SLC5A1: variants seen among roughly 807,000 people sequenced by gnomAD.
The protein encoded by SLC5A1 is sodium/glucose cotransporter 1.
In SLC5A1, 42 loss-of-function variants were observed where a neutral mutation model predicts 73.5. That is an observed-to-expected ratio of 0.57 (90% CI 0.45 to 0.74). The LOEUF is 0.74. SLC5A1 is among the 30% of genes least tolerant of loss of function. The pLI is 0.00. For synonymous variants in SLC5A1, 300 were observed against 317.4 expected (o/e 0.95, Z 0.58); for missense variants, 634 against 855.4 (o/e 0.74, Z 3.23).
At chr22:32,082,163 G>C (rs1308722198) in intron 6 of SLC5A1, among the ~76,000 whole-genome samples, 192 bp downstream of exon 6, 2 of 152,206 alleles carry the variant, frequency 1.3e-5, no homozygotes. Flanking sequence ...TCAGAAAGCT[G>C]TGGTGTTGGC....
intron 2 of SLC5A1, among the ~76,000 whole-genome samples, chr22:32,059,775 C>A (rs1284038707): frequency 2.6e-5 from 4 of 152,080 alleles, no homozygotes; most frequent in African/African-American, 9.7e-5. Context: ...AAATTGTTTG[C>A]GGAATGATTT....
At chr22:32,052,840 G>A (rs2093946796) in intron 2 of SLC5A1, among the ~76,000 whole-genome samples, 1 of 152,086 alleles carries the variant, frequency 6.6e-6, no homozygotes, top group African/African-American at 2.4e-5. Context: ...ACCTCATGCT[G>A]GTCCCCCTTA....
chr22:32,075,921 G>A (rs187170567), intron 5 of SLC5A1, among the ~76,000 whole-genome samples: 1 of 152,288 alleles, frequency 6.6e-6, no homozygotes, highest in Admixed American at 6.5e-5. Flanking sequence ...CAGGAATGCA[G>A]GGCTCATGGA....
At chr22:32,092,570 G>A (rs1438070254) in intron 11 of SLC5A1, among the ~76,000 whole-genome samples, 1 of 152,148 alleles carries the variant, frequency 6.6e-6, no homozygotes. Context: ...CCCACCAACA[G>A]TGTAAAAGTG....
intron 10 of SLC5A1, among the ~76,000 whole-genome samples, chr22:32,089,155 C>A (rs1001451753): frequency 2.0e-5 from 3 of 152,188 alleles, no homozygotes; most frequent in Non-Finnish European, 4.4e-5. Flanking sequence ...GGGCTGAAAG[C>A]CCTTCCTACT....
At chr22:32,064,690 A>G (rs897374115) in intron 2 of SLC5A1, among the ~76,000 whole-genome samples, 5 of 152,064 alleles carry the variant, frequency 3.3e-5, no homozygotes, top group Non-Finnish European at 7.4e-5. Flanking sequence ...CTATCAACAG[A>G]GCCTGCCAAC....
At chr22:32,067,815 A>G in intron 3 of SLC5A1, 152 bp from the exon 4 acceptor site, 1 of 803,944 alleles carries the variant, frequency 1.2e-6, no homozygotes, top group Non-Finnish European at 2.2e-6. Context: ...TCCATGGGTC[A>G]GTTAGGCAGC....
At chr22:32,049,091 A>AAT (rs34960379) in intron 1 of SLC5A1, among the ~76,000 whole-genome samples, 1,805 of 128,998 alleles carry the variant, frequency 0.014, 25 homozygotes, top group Non-Finnish European at 0.02. Context: ...TAAATAAATA[A>AAT]ATATATATAT....
At chr22:32,073,283 C>T (rs1203713709) in intron 5 of SLC5A1, among the ~76,000 whole-genome samples, 1 of 152,130 alleles carries the variant, frequency 6.6e-6, no homozygotes, top group Non-Finnish European at 1.5e-5. Context: ...TCTCCCAGTA[C>T]CATTTTTTGA....
At chr22:32,100,510 T>G (rs2094034486) in intron 12 of SLC5A1, among the ~76,000 whole-genome samples, 1 of 152,208 alleles carries the variant, frequency 6.6e-6, no homozygotes, top group African/African-American at 2.4e-5. Flanking sequence ...TGAGGTTTGT[T>G]ACTTCTGTAC....
In SLC5A1 at chr22:32,043,351, C is replaced by T. The variant is rs201800716; in HGVS notation, c.70C>T (p.Arg24Cys). ...TRPVETHELIRNAADISIIVI... is the reference protein window; with the variant it reads ...TRPVETHELICNAADISIIVI... ...GCCTGTTGAGACCCACGAGCTCATTCGCAATGCAGCCGATATCTCCATCAT... is the reference window on the plus strand; with the variant it reads ...GCCTGTTGAGACCCACGAGCTCATTTGCAATGCAGCCGATATCTCCATCAT... The change falls in exon 1 of 15, where the codon CGC becomes TGC. Residue 24 changes from arginine (R) to cysteine (C), a missense_variant. Coordinates refer to ENST00000266088, the MANE Select transcript of SLC5A1 (RefSeq NM_000343.4). The surrounding 1 kb of genome is among the most constrained non-coding windows in gnomAD (Gnocchi z 6.5). 290 of 1,613,930 alleles carry T rather than the reference C, an allele frequency of 1.8e-4. No individual in the cohort carries two copies. The highest frequency in any genetic ancestry group is 2.3e-4 in the Non-Finnish European group (273 of 1,179,992).
intron 3 of SLC5A1, 43 bp downstream of exon 3, chr22:32,067,082 C>A (rs761979084): frequency 7.0e-7 from 1 of 1,435,212 alleles, no homozygotes; most frequent in Non-Finnish European, 9.8e-7. Context: ...CTGGAAGGAG[C>A]CTTAGCAGTC....
intron 10 of SLC5A1, among the ~76,000 whole-genome samples, chr22:32,091,337 ACACACC>A (rs1392672453): frequency 3.0e-5 from 4 of 132,834 alleles, no homozygotes; most frequent in Admixed American, 7.4e-5. Context: ...ACACACACAC[ACACACC>A]CCACCACCTT....
intron 2 of SLC5A1, among the ~76,000 whole-genome samples, chr22:32,060,287 G>T (rs551368963): frequency 6.6e-6 from 1 of 152,014 alleles, no homozygotes; most frequent in Non-Finnish European, 1.5e-5. Flanking sequence ...TGCCTCCCAG[G>T]CTCAAGTGAT....
chr22:32,050,521 G>C (rs2093943806), intron 2 of SLC5A1, among the ~76,000 whole-genome samples: 1 of 152,176 alleles, frequency 6.6e-6, no homozygotes, highest in South Asian at 2.1e-4. Flanking sequence ...AAAAGTAGGA[G>C]AAAATCAGAG....
intron 5 of SLC5A1, among the ~76,000 whole-genome samples, chr22:32,073,806 G>A (rs1380010876): frequency 4.6e-5 from 7 of 152,080 alleles, no homozygotes; most frequent in Admixed American, 2.0e-4. Flanking sequence ...TGATCCGCCC[G>A]CTTCGGCCTC....
chr22:32,097,799 TAAAACTTGTTTATC>T (rs2094028762), intron 11 of SLC5A1, among the ~76,000 whole-genome samples: 1 of 152,218 alleles, frequency 6.6e-6, no homozygotes, highest in African/African-American at 2.4e-5. Flanking sequence ...TATCGGAATT[TAAAACTTGTTTATC>T]AAAGACACCA....
chr22:32,070,062 T>C (rs1212604708), intron 5 of SLC5A1, among the ~76,000 whole-genome samples: 2 of 152,028 alleles, frequency 1.3e-5, no homozygotes, highest in Admixed American at 1.3e-4. Flanking sequence ...CTCTACCATC[T>C]AGCCTGCTGT....
At chr22:32,084,346 G>A in intron 7 of SLC5A1, 93 bp from the exon 8 acceptor site, 1 of 1,072,852 alleles carries the variant, frequency 9.3e-7, no homozygotes, top group South Asian at 1.3e-5. Flanking sequence ...TCTGTGGGTT[G>A]GGTCCTCTCA....
Sources: allele counts gnomAD v4.1 joint callset (sites outside exome capture counted in the v4.1 genomes callset), GRCh38; gene constraint gnomAD v4.1.1; non-coding constraint Gnocchi (gnomAD v3.1); transcripts MANE v1.5; gene names NCBI Gene and HGNC (gene_info 2026-07-23, HGNC 2026-07-21).